Variants in PYGB observed in about 807,000 individuals in gnomAD.
PYGB encodes glycogen phosphorylase, brain form.
A neutral mutation model predicts 94.3 loss-of-function variants in PYGB; 82 were observed. That is an observed-to-expected ratio of 0.87 (90% confidence interval 0.73 to 1.04). The LOEUF is 1.04. Among genes scored for constraint, PYGB ranks in the 50% least tolerant of loss-of-function variants. The pLI is 0.00. For missense variants in PYGB, 1,132 were observed against 1,158.2 expected, an observed-to-expected ratio of 0.98 and a Z score of 0.33; for synonymous variants, 488 against 479.1, an observed-to-expected ratio of 1.02 and a Z score of -0.24.
Position 25,250,711 on chromosome 20 carries a change from C to T in PYGB, c.243+2290C>T, listed in dbSNP as rs560991283. On this transcript the variant is annotated intron_variant, in intron 1 of 19. Transcript: ENST00000216962. ...GTGCCTCCCCCTCAGCCAGAAATGACCTCAGACATTCACCGGCACACTGCA... is the reference window on the plus strand; with the variant it reads ...GTGCCTCCCCCTCAGCCAGAAATGATCTCAGACATTCACCGGCACACTGCA... Among the ~76,000 whole-genome samples the T allele has an allele frequency of 6.6e-5, 10 of 152,296 alleles. No homozygotes were observed. In the South Asian group the frequency reaches 1.5e-3, roughly 22 times the overall value.
intron 5 of PYGB, 120 bp downstream of exon 5, chr20:25,274,843 T>TC (rs1406109484): frequency 7.0e-7 from 1 of 1,425,650 alleles, no homozygotes; most frequent in East Asian, 2.3e-5. Context: ...CTGGAGGACT[T>TC]AAGGTAAAAG....
intron 17 of PYGB, 160 bp from the exon 18 acceptor site, chr20:25,293,998 G>A (rs1052131485): frequency 9.7e-6 from 9 of 929,090 alleles, no homozygotes; most frequent in East Asian, 2.6e-5. Context: ...CAAGGGCCTC[G>A]TAACCACCCA....
chr20:25,249,995 G>A (rs2092883036), intron 1 of PYGB, among the ~76,000 whole-genome samples: 1 of 152,020 alleles, frequency 6.6e-6, no homozygotes, highest in African/African-American at 2.4e-5. Flanking sequence ...GATTACAGGC[G>A]CCTACCACCA....
intron 8 of PYGB, 89 bp from the exon 9 acceptor site, chr20:25,278,968 T>C (rs1002775883): frequency 3.9e-5 from 51 of 1,312,746 alleles, no homozygotes; most frequent in Admixed American, 2.7e-4. Context: ...CTGGGCTGGC[T>C]CCTTCACTTG....
chr20:25,267,748 C>G (rs1460083847), intron 2 of PYGB, among the ~76,000 whole-genome samples: 1 of 152,158 alleles, frequency 6.6e-6, no homozygotes, highest in Admixed American at 6.5e-5. Flanking sequence ...CCAGGCTGGT[C>G]TTGAACTTCT....
rs931620236 is a variant in PYGB, at chr20:25,248,093, G to C, written c.-86G>C. 7 of 1,319,256 alleles carry C rather than the reference G, an allele frequency of 5.3e-6. No homozygotes were observed. Among genetic ancestry groups the C allele is most frequent in the South Asian group, 3.2e-5 (2 of 62,910 alleles). 81.7% of individuals were successfully genotyped at this position (1,319,256 alleles called of 1,614,324 possible). ...CCGCAGTGCCGGGCGCCAGAGCAGC[G>C]GCGCCAGAGCAGCTGCACCATCCCG... On this transcript the variant is annotated 5_prime_UTR_variant, in exon 1 of 20. Transcript: ENST00000216962.
At chr20:25,288,827 T>C (rs544552519) in intron 15 of PYGB, among the ~76,000 whole-genome samples, 1 of 152,316 alleles carries the variant, frequency 6.6e-6, no homozygotes, top group Admixed American at 6.5e-5. Flanking sequence ...GCCCTGAGCA[T>C]TGCCTGGTTT....
intron 15 of PYGB, among the ~76,000 whole-genome samples, chr20:25,288,744 CAGAG>C (rs1248145341): frequency 2.0e-5 from 3 of 152,286 alleles, no homozygotes; most frequent in Non-Finnish European, 2.9e-5. Context: ...GTGCCCACCT[CAGAG>C]AGGGCAGTGT....
intron 10 of PYGB, 64 bp downstream of exon 10, chr20:25,280,476 T>G (rs2088356528): frequency 1.3e-6 from 2 of 1,568,964 alleles, no homozygotes; most frequent in Non-Finnish European, 1.7e-6. Context: ...GCCCCCCACC[T>G]GGCCTGGGAG....
At position 25,292,623 on chromosome 20, in the gene PYGB, T is replaced by G; in HGVS notation, c.2177+10T>G. 1.2e-6 allele frequency: 2 copies of G among 1,608,110 alleles called. No homozygotes were observed. Among genetic ancestry groups the G allele is most frequent in the Non-Finnish European group, 1.7e-6 (2 of 1,178,412 alleles). On this transcript the variant is annotated intron_variant, in intron 17 of 19. Coordinates refer to ENST00000216962, the MANE Select transcript of PYGB (RefSeq NM_002862.4). ...CCTTGGACCGGAAAGGGTGCGAGCCTGTGCCCCTGGGCACCTGGCACCGTG... is the reference window on the plus strand; with the variant it reads ...CCTTGGACCGGAAAGGGTGCGAGCCGGTGCCCCTGGGCACCTGGCACCGTG...
chr20:25,288,258 G>A, intron 14 of PYGB, 167 bp from the exon 15 acceptor site: 1 of 772,084 alleles, frequency 1.3e-6, no homozygotes, highest in Non-Finnish European at 2.3e-6. Flanking sequence ...GTGGGCAGGT[G>A]GGTGGCCAGT....
intron 14 of PYGB, among the ~76,000 whole-genome samples, chr20:25,286,403 C>T (rs2088418468): frequency 6.6e-6 from 1 of 152,172 alleles, no homozygotes; most frequent in African/African-American, 2.4e-5. Flanking sequence ...CTCCTCTGCT[C>T]TCTGCCCCCC....
intron 3 of PYGB, among the ~76,000 whole-genome samples, chr20:25,269,496 C>T (rs969488548): frequency 6.6e-6 from 1 of 152,200 alleles, no homozygotes; most frequent in African/African-American, 2.4e-5. Flanking sequence ...TTCCAGGGCA[C>T]AAGAGCCAGT....
chr20:25,296,420 C>G lies in PYGB; in HGVS notation c.2430C>G (p.Gly810=). The G allele has an allele frequency of 6.2e-7, 1 of 1,614,068 alleles. No homozygotes were observed. The highest frequency in any genetic ancestry group is 2.2e-5 in the East Asian group (1 of 44,870). The part of the protein sequence containing the change: ...KKVIRNIACS[G]KFSSDRTITE... ...TCATCAGGAACATCGCCTGCTCGGG[C>G]AAGTTCTCCAGTGACCGGACCATCA... Residue 810 remains glycine, a synonymous_variant, in exon 20 of 20, where the codon GGC becomes GGG. Coordinates refer to ENST00000216962, the MANE Select transcript of PYGB (RefSeq NM_002862.4).
chr20:25,262,410 T>C (rs950304446), intron 2 of PYGB, among the ~76,000 whole-genome samples: 3 of 152,154 alleles, frequency 2.0e-5, no homozygotes, highest in Admixed American at 2.0e-4. Context: ...TAAAATCCTT[T>C]ACAGACCAGC....
At position 25,295,677 on chromosome 20, in the gene PYGB, C is replaced by T. The variant is rs1421374598; in HGVS notation, c.2379+7C>T. 1.2e-6 allele frequency: 2 copies of T among 1,611,648 alleles called. No individual in the cohort carries two copies. The highest frequency in any genetic ancestry group is 1.7e-6 in the Non-Finnish European group (2 of 1,177,936). On this transcript the variant is annotated splice_region_variant and intron_variant, in intron 19 of 19. Coordinates refer to ENST00000216962, the MANE Select transcript of PYGB (RefSeq NM_002862.4). ...GGTGGACCAGCTGTACCGGGTGAGGCTCCTGGGTCCAGAGGCTAGGGGAGC... is the reference window on the plus strand; with the variant it reads ...GGTGGACCAGCTGTACCGGGTGAGGTTCCTGGGTCCAGAGGCTAGGGGAGC...
chr20:25,277,181 G>A, intron 6 of PYGB, 63 bp from the exon 7 acceptor site: 1 of 1,334,062 alleles, frequency 7.5e-7, no homozygotes, highest in Non-Finnish European at 1.1e-6. Context: ...GTAGGCCCCT[G>A]AGCGGTTGCA....
chr20:25,280,387 A>G lies in PYGB; in HGVS notation c.1214A>G (p.Tyr405Cys), dbSNP rs764724034. Residue 405 changes from tyrosine to cysteine, a missense_variant, in exon 10 of 20, where the codon TAT becomes TGT. Coordinates refer to ENST00000216962, the MANE Select transcript of PYGB (RefSeq NM_002862.4). ...CTGCCGCGGCACCTGGAGATAATCT[A>G]TGCCATCAACCAGCGGCACCTGGAC... ...KLLPRHLEII[Y>C]AINQRHLDHV... 2.5e-6 allele frequency: 4 copies of G among 1,614,044 alleles called. No individual in the cohort carries two copies. In the South Asian group the frequency reaches 3.3e-5, roughly 13 times the overall value.
At chr20:25,283,058 C>CAAGCAGATCCCAGGGGA in intron 12 of PYGB, 118 bp from the exon 13 acceptor site, 1 of 843,988 alleles carries the variant, frequency 1.2e-6, no homozygotes, top group Non-Finnish European at 1.9e-6. Flanking sequence ...AGGGGCCGGA[C>CAAGCAGATCCCAGGGGA]AAGCAGATCC....
Sources: allele counts gnomAD v4.1 joint callset (sites outside exome capture counted in the v4.1 genomes callset), GRCh38; gene constraint gnomAD v4.1.1; transcripts MANE v1.5; gene names NCBI Gene and HGNC (gene_info 2026-07-23, HGNC 2026-07-21).